Variants in EPG5 observed in about 807,000 individuals in gnomAD.
The protein encoded by EPG5 is ectopic P granules protein 5 homolog.
A neutral mutation model predicts 302.7 loss-of-function variants in EPG5; 159 were observed. The ratio of observed to expected loss-of-function variants is 0.53; its 90% confidence interval spans 0.46 to 0.60. EPG5 has a LOEUF of 0.60. Among genes scored for constraint, EPG5 ranks in the 20% least tolerant of loss-of-function variants. The pLI is 0.00. For synonymous variants in EPG5, 1,158 were observed against 1,136.8 expected (o/e 1.02, Z -0.37); for missense variants, 2,896 against 3,092.4 (o/e 0.94, Z 1.51).
At chr18:45,818,328 T>G in the EPG5 span, among the ~76,000 whole-genome samples, 1 of 152,102 alleles carries the variant, frequency 6.6e-6, no homozygotes, top group Non-Finnish European at 1.5e-5. Context: ...TGTGAGAACA[T>G]CTACAGAATC....
At chr18:45,953,414 G>C (rs2050955448) in intron 2 of EPG5, 1 of 985,296 alleles carries the variant, frequency 1.0e-6, no homozygotes, top group Non-Finnish European at 1.2e-6. Context: ...CTTCAATACA[G>C]TATTTCCAAA....
At chr18:45,836,397 T>G in the EPG5 span, among the ~76,000 whole-genome samples, 839 of 151,238 alleles carry the variant, frequency 5.5e-3, 9 homozygotes, top group African/African-American at 0.02. Context: ...TTTTGTGAAC[T>G]GCACCCTGGG....
rs514001 is a variant in EPG5, at chr18:45,855,773, A to C, written c.7443-86T>G. The stretch of plus-strand genomic sequence containing the variant: ...AAACACCATATTTTCTATGACATAA[A>C]AAGATGAACACATTTCCAGATCTAC... On this transcript the variant is annotated intron_variant, in intron 42 of 43. Coordinates refer to ENST00000282041, the MANE Select transcript of EPG5 (RefSeq NM_020964.3). 0.75 allele frequency: 617,712 copies of C among 824,162 alleles called. 233,643 individuals are homozygous for C. Among genetic ancestry groups the C allele is most frequent in the African/African-American group, 0.93 (55,756 of 59,846 alleles). 51.1% of individuals were successfully genotyped at this position (824,162 alleles called of 1,614,324 possible).
Position 45,922,335 on chromosome 18 carries a change from C to G in EPG5, c.3098+6G>C. On this transcript the variant is annotated splice_donor_region_variant and intron_variant, in intron 16 of 43. Coordinates refer to ENST00000282041, the MANE Select transcript of EPG5 (RefSeq NM_020964.3). Reference sequence around the variant, plus strand: ...GTAACCCTAGTGGTTCAGCCCAACACTGTACCTGTGGCCCACAGCTGTCAT... The same window carrying G: ...GTAACCCTAGTGGTTCAGCCCAACAGTGTACCTGTGGCCCACAGCTGTCAT... 2.5e-6 allele frequency: 4 copies of G among 1,614,100 alleles called. No individual in the cohort carries two copies. Among genetic ancestry groups the G allele is most frequent in the Non-Finnish European group, 3.4e-6 (4 of 1,179,964 alleles).
chr18:45,923,170 G>A, intron 15 of EPG5, 98 bp downstream of exon 15: 2 of 1,292,448 alleles, frequency 1.5e-6, no homozygotes, highest in Non-Finnish European at 2.1e-6. Flanking sequence ...ATGTTCTTAG[G>A]ATACCTAATG....
intron 16 of EPG5, 107 bp downstream of exon 16, chr18:45,922,234 C>T (rs1194056030): frequency 3.6e-6 from 5 of 1,400,390 alleles, no homozygotes; most frequent in Non-Finnish European, 4.8e-6. Context: ...GGCCCAATTG[C>T]TCCGCAATAG....
chr18:45,803,249 C>T, the EPG5 span, among the ~76,000 whole-genome samples: 1 of 152,144 alleles, frequency 6.6e-6, no homozygotes, highest in East Asian at 1.9e-4. Context: ...AACTCAGTGG[C>T]TAGGAATCAG....
At position 45,916,482 on chromosome 18, in the gene EPG5, C is replaced by T; in HGVS notation, c.3340G>A (p.Ala1114Thr). 2.5e-6 allele frequency: 4 copies of T among 1,613,786 alleles called. No individual in the cohort carries two copies. The highest frequency in any genetic ancestry group is 3.4e-6 in the Non-Finnish European group (4 of 1,179,694). The change falls in exon 18 of 44, where the codon GCC becomes ACC. Residue 1114 changes from alanine (A) to threonine (T), a missense_variant. Coordinates refer to ENST00000282041, the MANE Select transcript of EPG5 (RefSeq NM_020964.3). The part of the protein sequence containing the change: ...THKVAQHLTG[A>T]SHGDNVKLLN... The stretch of plus-strand genomic sequence containing the variant: ...AGCTTCACGTTGTCCCCATGGCTGG[C>T]TCCTGTCAGGTGCTGTGCCACCTTG...
chr18:45,860,536 T>C, intron 39 of EPG5, among the ~76,000 whole-genome samples, 190 bp from the exon 40 acceptor site: 1 of 152,164 alleles, frequency 6.6e-6, no homozygotes, highest in East Asian at 1.9e-4. Context: ...CGGCACACGG[T>C]TACTAAGAGT....
intron 35 of EPG5, among the ~76,000 whole-genome samples, chr18:45,875,884 G>A (rs758753682): frequency 6.6e-5 from 10 of 151,904 alleles, no homozygotes; most frequent in Non-Finnish European, 1.3e-4. Context: ...GTGAAACCCC[G>A]TCTCTACTAA....
the EPG5 span, among the ~76,000 whole-genome samples, chr18:45,801,068 G>A: frequency 2.6e-5 from 4 of 152,124 alleles, no homozygotes; most frequent in South Asian, 6.2e-4. Flanking sequence ...ATGGAGTCTC[G>A]CTTTGTCACC....
chr18:45,858,893 C>T lies in EPG5; in HGVS notation c.7010-111G>A, dbSNP rs1313202974. 3 of 759,384 alleles carry T rather than the reference C, an allele frequency of 4.0e-6. No individual in the cohort carries two copies. The African/African-American group carries it at 5.3e-5, about 13-fold the overall frequency. 47.0% of individuals were successfully genotyped at this position (759,384 alleles called of 1,614,324 possible). ...ATGATTTTTTTTTTTGACATAGCAA[C>T]CTATGAGATAATAAGCTTCATGTCA... On this transcript the variant is annotated intron_variant, in intron 40 of 43. Coordinates refer to ENST00000282041, the MANE Select transcript of EPG5 (RefSeq NM_020964.3).
Position 45,925,718 on chromosome 18 carries a change from G to C in EPG5, c.2718+20C>G. On this transcript the variant is annotated intron_variant, in intron 14 of 43. Coordinates refer to ENST00000282041, the MANE Select transcript of EPG5 (RefSeq NM_020964.3). ...TGCATGTACAACCTCCAGTCTCCAG[G>C]GAATGGTTTGAACACATACCTGTTT... is the stretch of plus-strand genomic sequence containing the variant. The C allele has an allele frequency of 2.8e-6, 4 of 1,443,820 alleles. No homozygotes were observed. The highest frequency in any genetic ancestry group is 3.7e-6 in the Non-Finnish European group (4 of 1,095,048). The allele number at this position is 1,443,820 out of a possible 1,614,324, so 89.4% of individuals were successfully genotyped here.
chr18:45,964,149 T>C (rs1456723549), intron 1 of EPG5, among the ~76,000 whole-genome samples: 1 of 152,246 alleles, frequency 6.6e-6, no homozygotes, highest in Non-Finnish European at 1.5e-5. Flanking sequence ...TTTTTCATGA[T>C]GGATCTAAAA....
chr18:45,870,485 T>G, intron 36 of EPG5, 82 bp downstream of exon 36: 1 of 1,276,804 alleles, frequency 7.8e-7, no homozygotes, highest in Non-Finnish European at 1.1e-6. Flanking sequence ...ACACTGCCAC[T>G]ATGCCTAACA....
At chr18:45,814,602 G>A in the EPG5 span, among the ~76,000 whole-genome samples, 1 of 152,198 alleles carries the variant, frequency 6.6e-6, no homozygotes, top group African/African-American at 2.4e-5. Context: ...GGGATAAAGA[G>A]AAAAGTGCAT....
chr18:45,870,017 T>A (rs896878155), intron 36 of EPG5, among the ~76,000 whole-genome samples: 1 of 152,228 alleles, frequency 6.6e-6, no homozygotes, highest in African/African-American at 2.4e-5. Flanking sequence ...TCTGGTTTTG[T>A]AACCATTGCT....
chr18:45,852,926 G>C (rs964800194), intron 43 of EPG5, among the ~76,000 whole-genome samples: 2 of 152,198 alleles, frequency 1.3e-5, no homozygotes, highest in African/African-American at 4.8e-5. Flanking sequence ...GCCTTACCAA[G>C]AGCCACTGCT....
chr18:45,914,761 A>G (rs935866019), intron 20 of EPG5, among the ~76,000 whole-genome samples: 2 of 152,194 alleles, frequency 1.3e-5, no homozygotes, highest in African/African-American at 4.8e-5. Flanking sequence ...CAGTCTCTGC[A>G]GTCCGGCTGG....
Sources: allele counts gnomAD v4.1 joint callset (sites outside exome capture counted in the v4.1 genomes callset), GRCh38; gene constraint gnomAD v4.1.1; transcripts MANE v1.5; gene names NCBI Gene and HGNC (gene_info 2026-07-23, HGNC 2026-07-21).